Variants in C1QTNF3 observed in about 807,000 individuals in gnomAD.
C1QTNF3 encodes complement C1q tumor necrosis factor-related protein 3.
Under a neutral mutation model 32.6 loss-of-function variants are expected in C1QTNF3, and 26 were observed. That is an observed-to-expected ratio of 0.80 (90% CI 0.58 to 1.11). The LOEUF is 1.11. C1QTNF3 is among the 50% of genes least tolerant of loss of function. The pLI is 0.00. For synonymous variants in C1QTNF3, 155 were observed against 146.0 expected (o/e 1.06, Z -0.44); for missense variants, 362 against 398.2 (o/e 0.91, Z 0.77).
chr5:34,157,324 A>C, the C1QTNF3 span, among the ~76,000 whole-genome samples: 6 of 152,310 alleles, frequency 3.9e-5, no homozygotes, highest in Admixed American at 6.5e-5. Flanking sequence ...TTAAATAATC[A>C]AGTTTTATGA....
At chr5:34,091,232 T>C in the C1QTNF3 span, among the ~76,000 whole-genome samples, 9 of 152,260 alleles carry the variant, frequency 5.9e-5, no homozygotes, top group Non-Finnish European at 1.0e-4. Flanking sequence ...TGCAGACCCA[T>C]GGTTAAATAC....
At chr5:34,044,881 T>A (rs1017099813), upstream of C1QTNF3, among the ~76,000 whole-genome samples, 1 of 152,180 alleles carries the variant, frequency 6.6e-6, no homozygotes, top group Admixed American at 6.5e-5. Context: ...AAGGTAGATG[T>A]CCCTGGGAAG....
chr5:34,113,307 T>C, the C1QTNF3 span, among the ~76,000 whole-genome samples: 1 of 151,140 alleles, frequency 6.6e-6, no homozygotes, highest in Non-Finnish European at 1.5e-5. Context: ...TTTGAAACAT[T>C]AGCCAGATAC....
At chr5:34,240,717 T>G in the C1QTNF3 span, among the ~76,000 whole-genome samples, 2 of 152,304 alleles carry the variant, frequency 1.3e-5, no homozygotes, top group East Asian at 3.9e-4. Context: ...ACAATTCTAC[T>G]GAAACTATTC....
the C1QTNF3 span, among the ~76,000 whole-genome samples, chr5:34,213,748 T>C: frequency 2.5e-5 from 3 of 119,348 alleles, no homozygotes; most frequent in Non-Finnish European, 3.4e-5. Context: ...ATAGTGTGTG[T>C]ATATATATAT....
the C1QTNF3 span, among the ~76,000 whole-genome samples, chr5:34,174,113 A>G: frequency 6.6e-6 from 1 of 152,194 alleles, no homozygotes; most frequent in Non-Finnish European, 1.5e-5. Context: ...GCGGGAGTGC[A>G]GTGGCACCAT....
At chr5:34,112,198 A>G in the C1QTNF3 span, among the ~76,000 whole-genome samples, 1 of 152,192 alleles carries the variant, frequency 6.6e-6, no homozygotes, top group African/African-American at 2.4e-5. Flanking sequence ...TGCAATTTAT[A>G]TTATAGGCCA....
At chr5:34,147,285 T>C in the C1QTNF3 span, among the ~76,000 whole-genome samples, 3 of 152,232 alleles carry the variant, frequency 2.0e-5, no homozygotes, top group African/African-American at 7.2e-5. Flanking sequence ...AGCTACAATT[T>C]GTCCCAGCAA....
At chr5:34,231,500 G>C in the C1QTNF3 span, among the ~76,000 whole-genome samples, 1 of 152,160 alleles carries the variant, frequency 6.6e-6, no homozygotes, top group South Asian at 2.1e-4. Flanking sequence ...GCATACAACT[G>C]TTTGGTTAGT....
the C1QTNF3 span, among the ~76,000 whole-genome samples, chr5:34,091,190 G>A: frequency 6.6e-6 from 1 of 152,182 alleles, no homozygotes; most frequent in African/African-American, 2.4e-5. Context: ...AGCGTTACAA[G>A]CAGTGTTACA....
At chr5:34,132,847 A>G in the C1QTNF3 span, among the ~76,000 whole-genome samples, 2 of 152,176 alleles carry the variant, frequency 1.3e-5, no homozygotes, top group Admixed American at 6.6e-5. Context: ...GGAATATCTA[A>G]GGTCCTTTCT....
At chr5:34,208,022 C>T in the C1QTNF3 span, among the ~76,000 whole-genome samples, 1 of 152,148 alleles carries the variant, frequency 6.6e-6, no homozygotes, top group Non-Finnish European at 1.5e-5. Context: ...AATCACCTGA[C>T]CTCGTGATCT....
rs1327892869 is a variant in C1QTNF3, at chr5:34,018,490, G to C, written c.*2093C>G. On this transcript the variant is annotated 3_prime_UTR_variant, in exon 6 of 6. Transcript: ENST00000382065. ...TCTACTAGGTTGAAAAATTAGGGAA[G>C]GTAAGAATTGTACTTTAAATGCCAT... is the stretch of plus-strand genomic sequence containing the variant. 1.3e-5 allele frequency among the ~76,000 whole-genome samples: 2 copies of C among 152,104 alleles called. No homozygotes were observed. The highest frequency in any genetic ancestry group is 1.3e-4 in the Admixed American group (2 of 15,270).
At chr5:34,076,585 T>C in the C1QTNF3 span, among the ~76,000 whole-genome samples, 2 of 151,556 alleles carry the variant, frequency 1.3e-5, no homozygotes, top group Admixed American at 1.3e-4. Context: ...GGCAGAGGCT[T>C]GACTCAATTA....
chr5:34,172,988 CTTTTA>C, the C1QTNF3 span, among the ~76,000 whole-genome samples: 3 of 152,024 alleles, frequency 2.0e-5, no homozygotes, highest in Admixed American at 1.3e-4. Flanking sequence ...AATATTTTAA[CTTTTA>C]TTTTAGGTTC....
the C1QTNF3 span, among the ~76,000 whole-genome samples, chr5:34,061,115 C>T: frequency 6.6e-6 from 1 of 152,188 alleles, no homozygotes; most frequent in Admixed American, 6.5e-5. Flanking sequence ...AACAAGGTTA[C>T]AGGCCCCATG....
At chr5:34,099,056 C>T in the C1QTNF3 span, among the ~76,000 whole-genome samples, 3 of 152,056 alleles carry the variant, frequency 2.0e-5, no homozygotes, top group Non-Finnish European at 1.5e-5. Context: ...CCATGTTTTC[C>T]AGATATGAAT....
chr5:34,113,073 T>A, the C1QTNF3 span, among the ~76,000 whole-genome samples: 1 of 148,266 alleles, frequency 6.7e-6, no homozygotes. Flanking sequence ...ATATAAGAGA[T>A]AACCCTTCAT....
At chr5:34,225,757 A>G in the C1QTNF3 span, among the ~76,000 whole-genome samples, 1 of 151,710 alleles carries the variant, frequency 6.6e-6, no homozygotes, top group African/African-American at 2.4e-5. Context: ...AATTATTTAC[A>G]TCACATTATA....
Sources: gnomAD v4.1 joint callset for allele counts (sites outside exome capture counted in the v4.1 genomes callset) on GRCh38, gnomAD v4.1.1 for gene constraint, MANE v1.5 for transcripts, NCBI Gene and HGNC (gene_info 2026-07-23, HGNC 2026-07-21) for gene names.